The following OPCML variants were observed in gnomAD, a reference collection of about 807,000 sequenced individuals.
The protein encoded by OPCML is opioid-binding protein/cell adhesion molecule.
A neutral mutation model predicts 37.8 loss-of-function variants in OPCML; 13 were observed. The ratio of observed to expected loss-of-function variants is 0.34; its 90% CI spans 0.22 to 0.55. The LOEUF is 0.55. Among genes scored for constraint, OPCML ranks in the 20% least tolerant of loss-of-function variants. OPCML has a pLI of 0.91. For synonymous variants in OPCML, 176 were observed against 168.8 expected, an observed-to-expected ratio of 1.04 and a Z score of -0.33; for missense variants, 341 against 435.6, an observed-to-expected ratio of 0.78 and a Z score of 1.93.
At chr11:132,717,578 T>G (rs1298918198) in intron 2 of OPCML, among the ~76,000 whole-genome samples, 1 of 152,184 alleles carries the variant, frequency 6.6e-6, no homozygotes, top group African/African-American at 2.4e-5. Context: ...ATGTTTGGTT[T>G]CTTCTCCATA....
At chr11:132,807,503 A>G (rs1037120673) in intron 2 of OPCML, among the ~76,000 whole-genome samples, 2 of 152,252 alleles carry the variant, frequency 1.3e-5, no homozygotes, top group East Asian at 3.8e-4. Flanking sequence ...AATAAAATTT[A>G]TAAATCCACG....
At chr11:132,603,283 C>T (rs891707938) in intron 3 of OPCML, among the ~76,000 whole-genome samples, 1 of 152,156 alleles carries the variant, frequency 6.6e-6, no homozygotes, top group Admixed American at 6.5e-5. Flanking sequence ...GACCTTAATA[C>T]CTTTTTACTT....
chr11:133,258,107 A>G (rs1158297744), intron 1 of OPCML, among the ~76,000 whole-genome samples: 2 of 152,118 alleles, frequency 1.3e-5, no homozygotes, highest in South Asian at 4.2e-4. Flanking sequence ...AAATAGTGAC[A>G]TGTCCTGGAC....
intron 1 of OPCML, among the ~76,000 whole-genome samples, chr11:133,124,954 G>A (rs1256779127): frequency 6.6e-6 from 1 of 152,076 alleles, no homozygotes; most frequent in African/African-American, 2.4e-5. Flanking sequence ...GTGTGTACTT[G>A]GACATATTGG....
chr11:132,884,626 C>T (rs1943340970), intron 2 of OPCML, among the ~76,000 whole-genome samples: 1 of 152,160 alleles, frequency 6.6e-6, no homozygotes, highest in South Asian at 2.1e-4. Flanking sequence ...ATAGCATAGG[C>T]TTTTGGTTTA....
chr11:132,711,898 T>C (rs952069763), intron 2 of OPCML, among the ~76,000 whole-genome samples: 2 of 152,178 alleles, frequency 1.3e-5, no homozygotes, highest in African/African-American at 4.8e-5. Context: ...GCAATAATGG[T>C]ATACACAAGG....
intron 1 of OPCML, among the ~76,000 whole-genome samples, chr11:133,370,882 C>T (rs1490677635): frequency 6.6e-6 from 1 of 152,144 alleles, no homozygotes; most frequent in East Asian, 1.9e-4. Context: ...AATCAAGAGA[C>T]AACCTTTTGA....
intron 2 of OPCML, among the ~76,000 whole-genome samples, chr11:132,890,856 C>CAAAAAAAAAAAAAAAAAAAAAAA (rs57246769): frequency 2.2e-5 from 1 of 46,476 alleles, no homozygotes; most frequent in Non-Finnish European, 4.9e-5. Flanking sequence ...GACTCCATCT[C>CAAAAAAAAAAAAAAAAAAAAAAA]AAAAAAAAAA....
chr11:133,466,568 A>G (rs1330995804), intron 1 of OPCML, among the ~76,000 whole-genome samples: 1 of 152,238 alleles, frequency 6.6e-6, no homozygotes, highest in Non-Finnish European at 1.5e-5. Flanking sequence ...CAACAAGACA[A>G]TTTGGGATTA....
chr11:133,338,397 A>T (rs1943789954), intron 1 of OPCML, among the ~76,000 whole-genome samples: 1 of 152,134 alleles, frequency 6.6e-6, no homozygotes, highest in Admixed American at 6.5e-5. Flanking sequence ...GCTGTCTGGG[A>T]TACCATGCTG....
intron 2 of OPCML, among the ~76,000 whole-genome samples, chr11:132,712,735 T>C (rs1944318977): frequency 6.6e-6 from 1 of 152,176 alleles, no homozygotes; most frequent in African/African-American, 2.4e-5. Context: ...CAAAAAGCAA[T>C]TTCAGCTCTC....
At chr11:133,152,816 G>C (rs769103913) in intron 1 of OPCML, among the ~76,000 whole-genome samples, 4 of 151,830 alleles carry the variant, frequency 2.6e-5, no homozygotes, top group Non-Finnish European at 5.9e-5. Context: ...CGAAGCCCCA[G>C]CACGCAATTT....
intron 3 of OPCML, among the ~76,000 whole-genome samples, chr11:132,635,917 G>A (rs1197114270): frequency 6.6e-6 from 1 of 152,084 alleles, no homozygotes; most frequent in Admixed American, 6.5e-5. Context: ...CATGTTTAAG[G>A]AAAAGAAAGC....
At chr11:133,062,949 C>A (rs1053995626) in intron 1 of OPCML, among the ~76,000 whole-genome samples, 1 of 152,262 alleles carries the variant, frequency 6.6e-6, no homozygotes, top group Non-Finnish European at 1.5e-5. Context: ...GGTACCTCTG[C>A]AAGACACCAC....
At chr11:132,978,091 C>T (rs545131447) in intron 1 of OPCML, among the ~76,000 whole-genome samples, 15 of 152,206 alleles carry the variant, frequency 9.9e-5, no homozygotes, top group African/African-American at 3.4e-4. Context: ...GAAATAAATA[C>T]CGGATGCCGG....
At chr11:132,986,332 A>C (rs1239386450) in intron 1 of OPCML, among the ~76,000 whole-genome samples, 1 of 152,150 alleles carries the variant, frequency 6.6e-6, no homozygotes, top group Non-Finnish European at 1.5e-5. Flanking sequence ...AAAAGTAAAC[A>C]ATCTGGATAT....
chr11:133,327,296 C>A (rs1943497640), intron 1 of OPCML, among the ~76,000 whole-genome samples: 1 of 151,706 alleles, frequency 6.6e-6, no homozygotes, highest in Non-Finnish European at 1.5e-5. Context: ...TCCTAAATGT[C>A]CAGGATGTAC....
intron 2 of OPCML, among the ~76,000 whole-genome samples, chr11:132,820,749 T>C (rs2136247307): frequency 6.6e-6 from 1 of 152,264 alleles, no homozygotes; most frequent in South Asian, 2.1e-4. Context: ...ACACCAGCAA[T>C]AGAATAATTA....
At chr11:133,444,979 G>A (rs1296784976) in intron 1 of OPCML, among the ~76,000 whole-genome samples, 1 of 140,084 alleles carries the variant, frequency 7.1e-6, no homozygotes. Context: ...GGTATGAAAA[G>A]TCACCAAGAG....
Sources: gnomAD v4.1 joint callset for allele counts (sites outside exome capture counted in the v4.1 genomes callset) on GRCh38, gnomAD v4.1.1 for gene constraint, MANE v1.5 for transcripts, NCBI Gene and HGNC (gene_info 2026-07-23, HGNC 2026-07-21) for gene names.